The following FGGY variants were observed in gnomAD, a reference collection of about 807,000 sequenced individuals.
FGGY encodes the protein FGGY carbohydrate kinase domain-containing protein.
Under a neutral mutation model 71.3 loss-of-function variants are expected in FGGY, and 72 were observed. The ratio of observed to expected loss-of-function variants is 1.01; its 90% CI spans 0.84 to 1.23. The LOEUF (loss-of-function observed/expected upper bound fraction) is 1.23. Ranked by LOEUF, FGGY falls within the 50% of genes most tolerant of loss-of-function variation. FGGY has a pLI of 0.00. For synonymous variants in FGGY, 251 were observed against 250.3 expected (o/e 1.00, Z -0.02); for missense variants, 668 against 682.3 (o/e 0.98, Z 0.23).
chr1:59,343,344 G>T (rs572459363), intron 3 of FGGY, among the ~76,000 whole-genome samples: 46 of 152,234 alleles, frequency 3.0e-4, no homozygotes, highest in African/African-American at 1.1e-3. Context: ...GTGGGTCTGT[G>T]TTCTGTTTCC....
chr1:59,405,247 G>C (rs764528475), intron 5 of FGGY, among the ~76,000 whole-genome samples: 6 of 152,156 alleles, frequency 3.9e-5, no homozygotes, highest in Non-Finnish European at 7.4e-5. Flanking sequence ...GAGGATTAAA[G>C]ATTAAAAGTT....
chr1:59,566,877 T>G (rs1040623867), intron 8 of FGGY, among the ~76,000 whole-genome samples: 1 of 152,142 alleles, frequency 6.6e-6, no homozygotes, highest in African/African-American at 2.4e-5. Context: ...AAGAGGAGAC[T>G]TACTGCCCAT....
chr1:59,549,268 G>A (rs2095571725), intron 7 of FGGY, among the ~76,000 whole-genome samples: 1 of 152,194 alleles, frequency 6.6e-6, no homozygotes, highest in Admixed American at 6.5e-5. Flanking sequence ...CACTGGATGG[G>A]ATTCATCAGT....
At chr1:59,540,399 AC>A (rs1276206360) in intron 7 of FGGY, among the ~76,000 whole-genome samples, 1 of 152,246 alleles carries the variant, frequency 6.6e-6, no homozygotes, top group Non-Finnish European at 1.5e-5. Context: ...TTTTATGGCA[AC>A]AAAAATGTAC....
chr1:59,584,806 G>A (rs1425781859), intron 8 of FGGY, among the ~76,000 whole-genome samples: 5 of 149,982 alleles, frequency 3.3e-5, no homozygotes, highest in Non-Finnish European at 5.9e-5. Context: ...TAAGCTGATA[G>A]GCAACTTCAG....
chr1:59,564,986 G>A (rs1008753073), intron 8 of FGGY, among the ~76,000 whole-genome samples: 1 of 152,150 alleles, frequency 6.6e-6, no homozygotes, highest in Admixed American at 6.5e-5. Context: ...GACGAAAATG[G>A]TGCAGCTGTG....
intron 9 of FGGY, among the ~76,000 whole-genome samples, chr1:59,620,839 T>C (rs1292685552): frequency 6.6e-6 from 1 of 152,144 alleles, no homozygotes; most frequent in Non-Finnish European, 1.5e-5. Context: ...CTGTAGTTTG[T>C]GTGTGATATC....
At chr1:59,382,839 C>T (rs1011285472) in intron 5 of FGGY, among the ~76,000 whole-genome samples, 1 of 152,110 alleles carries the variant, frequency 6.6e-6, no homozygotes, top group Non-Finnish European at 1.5e-5. Context: ...ACATTTTACT[C>T]AGCACTTTGA....
intron 9 of FGGY, among the ~76,000 whole-genome samples, chr1:59,611,410 A>T (rs1320280954): frequency 6.6e-6 from 1 of 152,098 alleles, no homozygotes; most frequent in East Asian, 1.9e-4. Flanking sequence ...AAACGCCAGC[A>T]ATCTCCAACA....
intron 5 of FGGY, among the ~76,000 whole-genome samples, chr1:59,381,560 A>G (rs1010948626): frequency 1.3e-5 from 2 of 151,868 alleles, no homozygotes; most frequent in East Asian, 3.9e-4. Flanking sequence ...CTCCATTAAT[A>G]TCTTATGGGA....
intron 9 of FGGY, among the ~76,000 whole-genome samples, chr1:59,618,938 A>G (rs1182986224): frequency 6.6e-6 from 1 of 152,078 alleles, no homozygotes; most frequent in Non-Finnish European, 1.5e-5. Flanking sequence ...CTAACTCTGC[A>G]AAAACAAATG....
At chr1:59,461,265 G>A (rs541076492) in intron 6 of FGGY, among the ~76,000 whole-genome samples, 6 of 152,302 alleles carry the variant, frequency 3.9e-5, no homozygotes, top group East Asian at 3.9e-4. Flanking sequence ...CAAGAACTAC[G>A]TGACACATGC....
chr1:59,735,803 A>G (rs962201769), intron 14 of FGGY, among the ~76,000 whole-genome samples: 2 of 152,202 alleles, frequency 1.3e-5, no homozygotes, highest in Non-Finnish European at 2.9e-5. Flanking sequence ...CATTTTAAGT[A>G]TCATCTCTTT....
intron 6 of FGGY, among the ~76,000 whole-genome samples, chr1:59,466,227 C>A (rs938199946): frequency 6.6e-6 from 1 of 152,088 alleles, no homozygotes; most frequent in African/African-American, 2.4e-5. Context: ...TGATCTTTGA[C>A]AAACCTGACA....
intron 7 of FGGY, among the ~76,000 whole-genome samples, chr1:59,546,867 G>A (rs905310896): frequency 1.3e-5 from 2 of 151,420 alleles, no homozygotes; most frequent in African/African-American, 4.9e-5. Context: ...ACCTACTTTA[G>A]GATTTAGTTG....
At chr1:59,364,897 G>T (rs146506694) in intron 4 of FGGY, among the ~76,000 whole-genome samples, 1 of 152,196 alleles carries the variant, frequency 6.6e-6, no homozygotes, top group Non-Finnish European at 1.5e-5. Flanking sequence ...ATTGGGAGTT[G>T]AAATTAGAAT....
chr1:59,642,760 G>A (rs929262208), intron 11 of FGGY, among the ~76,000 whole-genome samples: 8 of 151,628 alleles, frequency 5.3e-5, no homozygotes, highest in South Asian at 2.1e-4. Flanking sequence ...GGCTGGACGC[G>A]GTGGCTCACA....
intron 5 of FGGY, among the ~76,000 whole-genome samples, chr1:59,397,272 C>T (rs1006584822): frequency 6.6e-6 from 1 of 152,150 alleles, no homozygotes; most frequent in East Asian, 1.9e-4. Flanking sequence ...CACTGGTATT[C>T]CATTCCACGG....
chr1:59,384,497 C>T (rs1191385785), intron 5 of FGGY, among the ~76,000 whole-genome samples: 2 of 152,154 alleles, frequency 1.3e-5, no homozygotes, highest in Non-Finnish European at 2.9e-5. Context: ...AACACCTGCT[C>T]CATGGGGTTA....
Sources: gnomAD v4.1 joint callset for allele counts (sites outside exome capture counted in the v4.1 genomes callset) on GRCh38, gnomAD v4.1.1 for gene constraint, MANE v1.5 for transcripts, NCBI Gene and HGNC (gene_info 2026-07-23, HGNC 2026-07-21) for gene names.